Variants in ABCB1 observed in about 807,000 individuals in gnomAD.
ABCB1 encodes the protein ATP-dependent translocase ABCB1.
Under a neutral mutation model 142.0 loss-of-function variants are expected in ABCB1, and 69 were observed. That is an observed-to-expected ratio of 0.49 (90% CI 0.40 to 0.59). ABCB1 has a LOEUF of 0.59. Among genes scored for constraint, ABCB1 ranks in the 20% least tolerant of loss-of-function variants. The pLI, the probability that ABCB1 is intolerant of heterozygous loss-of-function variation, is 0.00. For missense variants in ABCB1, 1,326 were observed against 1,554.7 expected (o/e 0.85, Z 2.47); for synonymous variants, 532 against 539.2 (o/e 0.99, Z 0.18).
chr7:87,679,753 G>A (rs1485859675), intron 1 of ABCB1, among the ~76,000 whole-genome samples: 3 of 149,898 alleles, frequency 2.0e-5, no homozygotes, highest in Admixed American at 6.7e-5. Flanking sequence ...TATTCTTTTC[G>A]AGGGCAAGTG....
intron 1 of ABCB1, among the ~76,000 whole-genome samples, chr7:87,668,430 A>G (rs1825488172): frequency 2.0e-5 from 3 of 152,048 alleles, no homozygotes; most frequent in Admixed American, 1.3e-4. Flanking sequence ...TTTCAAAACA[A>G]CAGCCCTTGG....
At chr7:87,663,953 A>G (rs909875374) in intron 1 of ABCB1, among the ~76,000 whole-genome samples, 5 of 152,202 alleles carry the variant, frequency 3.3e-5, no homozygotes, top group Admixed American at 1.3e-4. Flanking sequence ...CTTATACCTC[A>G]TTTCACCTTA....
chr7:87,531,636 A>C (rs1816061753), intron 20 of ABCB1, 139 bp from the exon 21 acceptor site: 1 of 760,458 alleles, frequency 1.3e-6, no homozygotes, highest in Admixed American at 2.5e-5. Flanking sequence ...GTCTACTTGT[A>C]AGTTTATTGA....
At chr7:87,548,795 G>A (rs973314845) in intron 14 of ABCB1, among the ~76,000 whole-genome samples, 1 of 152,302 alleles carries the variant, frequency 6.6e-6, no homozygotes, top group South Asian at 2.1e-4. Flanking sequence ...AGAATTGCAG[G>A]ACAGTCAAAC....
rs564964275 is a variant in ABCB1 at position 87,582,934 on chromosome 7, A to C, written c.286+2578T>G. Among the ~76,000 whole-genome samples, 3 of 152,304 alleles carry C rather than the reference A, an allele frequency of 2.0e-5. No homozygotes were observed. In the East Asian group the frequency reaches 5.8e-4, roughly 29 times the overall value. ...GTTGGAGGATACCTACCTTCCCTGA[A>C]AGGCATGGCTGGTAACCAAGGAAAT... On this transcript the variant is annotated intron_variant, in intron 4 of 27. Transcript: ENST00000622132.
At chr7:87,520,327 G>C (rs1226971156) in intron 22 of ABCB1, among the ~76,000 whole-genome samples, 4 of 152,148 alleles carry the variant, frequency 2.6e-5, no homozygotes, top group South Asian at 4.2e-4. Flanking sequence ...CCACTTATTA[G>C]AGCCCTCACT....
chr7:87,627,070 A>T (rs1185807036), intron 1 of ABCB1, among the ~76,000 whole-genome samples: 1 of 152,196 alleles, frequency 6.6e-6, no homozygotes, highest in Non-Finnish European at 1.5e-5. Context: ...CACCGCGCCC[A>T]GCCCATATAT....
At chr7:87,602,495 T>C (rs2130014964), upstream of ABCB1, among the ~76,000 whole-genome samples, 1 of 152,234 alleles carries the variant, frequency 6.6e-6, no homozygotes, top group Non-Finnish European at 1.5e-5. Context: ...TATTTGTGCC[T>C]ATGATCTCTG....
chr7:87,516,793 G>C, intron 23 of ABCB1, 128 bp from the exon 24 acceptor site: 1 of 948,406 alleles, frequency 1.1e-6, no homozygotes, highest in Non-Finnish European at 1.6e-6. Context: ...CTGGAGTGCA[G>C]TAGTGCAATC....
intron 1 of ABCB1, among the ~76,000 whole-genome samples, chr7:87,614,012 T>C (rs1283198879): frequency 6.6e-6 from 1 of 152,198 alleles, no homozygotes; most frequent in Non-Finnish European, 1.5e-5. Context: ...TTTATGATAA[T>C]ATTTAATATC....
At chr7:87,693,123 T>C (rs566150237) in intron 1 of ABCB1, among the ~76,000 whole-genome samples, 1 of 152,336 alleles carries the variant, frequency 6.6e-6, no homozygotes, top group Admixed American at 6.5e-5. Flanking sequence ...TTTTTGGGAA[T>C]GTTATTTCAG....
intron 1 of ABCB1, among the ~76,000 whole-genome samples, chr7:87,617,163 A>C (rs1422081888): frequency 6.6e-6 from 1 of 152,198 alleles, no homozygotes; most frequent in Non-Finnish European, 1.5e-5. Flanking sequence ...TAAGTGGTTG[A>C]AGACATGGAT....
chr7:87,674,731 G>C (rs1032915826), intron 1 of ABCB1, among the ~76,000 whole-genome samples: 1 of 152,134 alleles, frequency 6.6e-6, no homozygotes, highest in Non-Finnish European at 1.5e-5. Flanking sequence ...GAAGCACCCT[G>C]GTTGGGCATC....
At chr7:87,559,951 A>G (rs1456128023) in intron 8 of ABCB1, among the ~76,000 whole-genome samples, 1 of 152,198 alleles carries the variant, frequency 6.6e-6, no homozygotes, top group African/African-American at 2.4e-5. Flanking sequence ...TCAAAACTTC[A>G]TTATGTCTCT....
chr7:87,629,794 C>T (rs28381770), intron 1 of ABCB1, among the ~76,000 whole-genome samples: 4,726 of 151,650 alleles, frequency 0.031, 73 homozygotes, highest in Middle Eastern at 0.048. Context: ...GGCGTGGTGG[C>T]GGGCTCCTGT....
At chr7:87,570,744 AT>A (rs1301771984) in intron 4 of ABCB1, among the ~76,000 whole-genome samples, 1 of 152,168 alleles carries the variant, frequency 6.6e-6, no homozygotes, top group Non-Finnish European at 1.5e-5. Context: ...AAAGTATTTC[AT>A]AACTTTACCC....
chr7:87,704,684 G>T (rs184667568), intron 1 of ABCB1, among the ~76,000 whole-genome samples: 128 of 152,302 alleles, frequency 8.4e-4, no homozygotes, highest in African/African-American at 3.0e-3. Context: ...TCCAAATCCT[G>T]CATTTATATC....
At chr7:87,617,345 G>T (rs1224922106) in intron 1 of ABCB1, among the ~76,000 whole-genome samples, 1 of 152,150 alleles carries the variant, frequency 6.6e-6, no homozygotes, top group Non-Finnish European at 1.5e-5. Flanking sequence ...CAAAACTTTG[G>T]TAATGTGTAT....
intron 1 of ABCB1, among the ~76,000 whole-genome samples, chr7:87,684,746 C>CA (rs71524694): frequency 0.012 from 448 of 37,782 alleles, 66 homozygotes; most frequent in African/African-American, 0.018. Flanking sequence ...GACTCCGTCT[C>CA]AAAAAAAAAA....
Sources: allele counts gnomAD v4.1 joint callset (sites outside exome capture counted in the v4.1 genomes callset), GRCh38; gene constraint gnomAD v4.1.1; transcripts MANE v1.5; gene names NCBI Gene and HGNC (gene_info 2026-07-23, HGNC 2026-07-21).